Variants in AFAP1L2 observed in about 807,000 individuals in gnomAD.
AFAP1L2 encodes actin filament associated protein 1 like 2.
AFAP1L2 carries 46 observed loss-of-function variants against 99.3 expected under a neutral mutation model. The observed-to-expected ratio is 0.46, with a 90% CI of 0.37 to 0.59. The LOEUF (loss-of-function observed/expected upper bound fraction) is 0.59, where lower values mean the gene tolerates loss of function less well. AFAP1L2 is among the 20% of genes least tolerant of loss of function. AFAP1L2 has a pLI of 0.00. For synonymous variants in AFAP1L2, 397 were observed against 419.1 expected, an observed-to-expected ratio of 0.95 and a Z score of 0.64; for missense variants, 959 against 1,034.9, an observed-to-expected ratio of 0.93 and a Z score of 1.01.
At chr10:114,305,603 AAGGAGATGCAGATGCAGG>A (rs2042132478) in intron 10 of AFAP1L2, among the ~76,000 whole-genome samples, 1 of 72,414 alleles carries the variant, frequency 1.4e-5, no homozygotes, top group Non-Finnish European at 2.8e-5. Flanking sequence ...GGGGCTGCAG[AAGGAGATGCAGATGCAGG>A]AGGGGATGCA....
chr10:114,337,825 A>T (rs2048210369), intron 2 of AFAP1L2, among the ~76,000 whole-genome samples: 1 of 152,160 alleles, frequency 6.6e-6, no homozygotes, highest in Non-Finnish European at 1.5e-5. Flanking sequence ...AACATATCGG[A>T]AGTGGTGTGG....
the AFAP1L2 span, among the ~76,000 whole-genome samples, chr10:114,283,615 G>A: frequency 1.3e-5 from 2 of 152,170 alleles, no homozygotes; most frequent in African/African-American, 4.8e-5. Context: ...CTGACCTGGG[G>A]CATGTGACTT....
chr10:114,393,433 T>C (rs966367794), intron 1 of AFAP1L2: 5 of 152,202 alleles, frequency 3.3e-5, no homozygotes, highest in African/African-American at 1.2e-4. Context: ...ACAATAAACA[T>C]GCTCGTGGCT....
chr10:114,321,966 A>G (rs1278323951), intron 5 of AFAP1L2, among the ~76,000 whole-genome samples: 1 of 152,104 alleles, frequency 6.6e-6, no homozygotes, highest in East Asian at 1.9e-4. Flanking sequence ...CATAATTCTC[A>G]CGTGTCATGG....
downstream of AFAP1L2, among the ~76,000 whole-genome samples, chr10:114,293,034 A>G (rs554157722): frequency 1.8e-4 from 27 of 152,318 alleles, no homozygotes; most frequent in South Asian, 5.6e-3. Context: ...ATTGTAACAT[A>G]ATGTTTTATA....
chr10:114,372,434 G>T (rs754854756), intron 1 of AFAP1L2, among the ~76,000 whole-genome samples: 2 of 152,202 alleles, frequency 1.3e-5, no homozygotes, highest in Non-Finnish European at 2.9e-5. Flanking sequence ...TGCCACCCGT[G>T]AAATGACCCA....
downstream of AFAP1L2, chr10:114,290,449 G>T: frequency 6.6e-7 from 1 of 1,520,852 alleles, no homozygotes; most frequent in African/African-American, 1.4e-5. Flanking sequence ...GCTGAAGGCA[G>T]GTTCTAAAAC....
intron 9 of AFAP1L2, 71 bp downstream of exon 9, chr10:114,308,362 A>G (rs2042731601): frequency 2.2e-6 from 3 of 1,392,046 alleles, no homozygotes; most frequent in Non-Finnish European, 3.0e-6. Context: ...GCTAAAACCC[A>G]TCAGGGTTGA....
At chr10:114,374,740 G>A (rs2137131560) in intron 1 of AFAP1L2, among the ~76,000 whole-genome samples, 1 of 151,740 alleles carries the variant, frequency 6.6e-6, no homozygotes, top group South Asian at 2.1e-4. Flanking sequence ...GAGCTGGAAG[G>A]GGCCCAGCGC....
intron 1 of AFAP1L2, among the ~76,000 whole-genome samples, chr10:114,392,111 C>T (rs557128448): frequency 6.6e-6 from 1 of 152,268 alleles, no homozygotes; most frequent in Admixed American, 6.5e-5. Context: ...GAAAGAAGAG[C>T]ACAGGGGCTT....
chr10:114,285,068 C>T, the AFAP1L2 span: 2 of 1,014,902 alleles, frequency 2.0e-6, no homozygotes, highest in South Asian at 3.6e-5. Flanking sequence ...TGGGTAGAAA[C>T]TGGCCCTTGA....
intron 4 of AFAP1L2, among the ~76,000 whole-genome samples, chr10:114,329,369 G>A (rs1010283610): frequency 6.6e-5 from 10 of 152,182 alleles, no homozygotes; most frequent in African/African-American, 2.4e-4. Context: ...GGGCCCCTCA[G>A]TCCATGCTGT....
chr10:114,359,973 T>A (rs1241172144), intron 1 of AFAP1L2, among the ~76,000 whole-genome samples: 1 of 152,164 alleles, frequency 6.6e-6, no homozygotes, highest in African/African-American at 2.4e-5. Flanking sequence ...GACAAACATT[T>A]TCCCACAAAG....
chr10:114,378,528 G>A (rs758654392), intron 1 of AFAP1L2, among the ~76,000 whole-genome samples: 6 of 152,206 alleles, frequency 3.9e-5, no homozygotes, highest in South Asian at 4.1e-4. Flanking sequence ...TTCTAGTACA[G>A]TGGACTATAA....
downstream of AFAP1L2, chr10:114,290,107 A>G (rs2039419665): frequency 7.9e-7 from 1 of 1,260,340 alleles, no homozygotes; most frequent in African/African-American, 1.5e-5. Flanking sequence ...TGCAGCACCA[A>G]CCATGAGCTA....
chr10:114,336,724 G>A (rs868487197), intron 2 of AFAP1L2, among the ~76,000 whole-genome samples: 1 of 152,010 alleles, frequency 6.6e-6, no homozygotes, highest in Admixed American at 6.6e-5. Context: ...GCAGGAGTGG[G>A]GGCTGGTGTG....
downstream of AFAP1L2, among the ~76,000 whole-genome samples, chr10:114,290,653 C>T (rs558476325): frequency 1.4e-4 from 21 of 152,242 alleles, no homozygotes; most frequent in East Asian, 9.7e-4. Flanking sequence ...GTGTGGTAGA[C>T]GGTGCTAAGC....
the AFAP1L2 span, among the ~76,000 whole-genome samples, chr10:114,285,604 C>G: frequency 6.6e-6 from 1 of 152,216 alleles, no homozygotes; most frequent in Non-Finnish European, 1.5e-5. Context: ...GCAGTGAAGC[C>G]TGTAGAAGCA....
intron 1 of AFAP1L2, among the ~76,000 whole-genome samples, chr10:114,365,288 C>T (rs546297421): frequency 1.1e-4 from 16 of 152,224 alleles, no homozygotes; most frequent in South Asian, 4.2e-4. Flanking sequence ...GGCATACGCT[C>T]GTGGCTCCTC....
Sources: allele counts gnomAD v4.1 joint callset (sites outside exome capture counted in the v4.1 genomes callset), GRCh38; gene constraint gnomAD v4.1.1; transcripts MANE v1.5; gene names NCBI Gene and HGNC (gene_info 2026-07-23, HGNC 2026-07-21).